The following ZNF217 variants were observed in gnomAD, a reference collection of about 807,000 sequenced individuals.
ZNF217 encodes the protein zinc finger protein 217.
In ZNF217, 12 loss-of-function variants were observed where a neutral mutation model predicts 73.3. That is an observed-to-expected ratio of 0.16 (90% confidence interval 0.10 to 0.27). ZNF217 has a LOEUF of 0.27. Among genes scored for constraint, ZNF217 ranks in the 10% least tolerant of loss-of-function variants. The pLI, the probability that ZNF217 is intolerant of heterozygous loss-of-function variation, is 1.00. For missense variants in ZNF217, 1,195 were observed against 1,327.8 expected (o/e 0.90, Z 1.55); for synonymous variants, 588 against 516.4 (o/e 1.14, Z -1.88).
intron 1 of ZNF217, among the ~76,000 whole-genome samples, chr20:53,592,555 G>A (rs1311679267): frequency 6.8e-6 from 1 of 147,604 alleles, no homozygotes; most frequent in African/African-American, 2.5e-5. Context: ...GTCTTCGGTG[G>A]CCCTACCCAG....
intron 1 of ZNF217, 102 bp downstream of exon 1, chr20:53,593,654 G>C (rs961366426): frequency 6.6e-6 from 1 of 151,420 alleles, no homozygotes; most frequent in Non-Finnish European, 1.5e-5. Context: ...CCTGGGGGGG[G>C]ACAAGACAAC....
intron 1 of ZNF217, among the ~76,000 whole-genome samples, chr20:53,590,775 T>C (rs1988851559): frequency 6.6e-6 from 1 of 152,212 alleles, no homozygotes; most frequent in South Asian, 2.1e-4. Context: ...GTGATTAGCA[T>C]GTATCTGCAA....
rs563819509 is a variant in ZNF217, at chr20:53,582,035, G to C, written c.792C>G (p.Asp264Glu). 6.2e-7 allele frequency: 1 copy of C among 1,614,220 alleles called. No homozygotes were observed. Among genetic ancestry groups the C allele is most frequent in the Admixed American group, 1.7e-5 (1 of 60,026 alleles). The change falls in exon 2 of 6, where the codon GAC (aspartate) becomes GAG (glutamate). Residue 264 changes from aspartate to glutamate, a missense_variant. Physicochemically the swap from Asp to Glu is conservative, Grantham distance 45 (BLOSUM62 2). Coordinates refer to ENST00000371471, the MANE Select transcript of ZNF217 (RefSeq NM_006526.3). The surrounding 1 kb of genome is among the most constrained non-coding windows in gnomAD (Gnocchi z 4.8). ...PQGGMPSSRE[D>E]FLQLFNLRPK... ...GTCTCAAGTTGAACAACTGCAGGAA[G>C]TCCTCCCTCGAGGACGGCATTCCTC... is the stretch of plus-strand genomic sequence containing the variant.
chr20:53,567,431 A>G lies in ZNF217; in HGVS notation c.*1857T>C, dbSNP rs538278367. 1 of 152,754 alleles carries G rather than the reference A, an allele frequency of 6.5e-6. No individual in the cohort carries two copies. Among genetic ancestry groups the G allele is most frequent in the African/African-American group, 2.4e-5 (1 of 41,570 alleles). The allele number at this position is 152,754 out of a possible 1,614,324, so 9.5% of individuals were successfully genotyped here. Reference sequence around the variant, plus strand: ...ATCTGAAAGCCCAAAAAATTCCAGCATAATACAAATCGACTTGTTTTCAAA... The same window carrying G: ...ATCTGAAAGCCCAAAAAATTCCAGCGTAATACAAATCGACTTGTTTTCAAA... On this transcript the variant is annotated 3_prime_UTR_variant, in exon 6 of 6. Transcript: ENST00000371471.
chr20:53,579,240 C>A (rs1426622805), intron 2 of ZNF217, among the ~76,000 whole-genome samples: 1 of 152,168 alleles, frequency 6.6e-6, no homozygotes, highest in Non-Finnish European at 1.5e-5. Flanking sequence ...AAAAGACAAT[C>A]AGAGGTGCTG....
intron 1 of ZNF217, among the ~76,000 whole-genome samples, chr20:53,586,459 CA>C (rs149897719): frequency 0.1 from 15,206 of 147,528 alleles, 1,014 homozygotes; most frequent in Non-Finnish European, 0.15. Context: ...TCAGCACAAG[CA>C]AAAAAAAAAC....
rs745786324 is a variant in ZNF217 at position 53,576,984 on chromosome 20, G to T, written c.1780C>A (p.Pro594Thr). ...AAATCCTGAGTATCTTTGTGTGCTG[G>T]TGAGAGGACAGCGCTGCCCAGAACA... is the stretch of plus-strand genomic sequence containing the variant. ...QNVLGSAVLS[P>T]AHKDTQDFHK... Residue 594 changes from proline (P) to threonine (T), a missense_variant, in exon 4 of 6, where the codon CCA becomes ACA. Coordinates refer to ENST00000371471, the MANE Select transcript of ZNF217 (RefSeq NM_006526.3). The T allele has an allele frequency of 5.5e-5, 88 of 1,614,062 alleles. 1 individual carries two copies. Among genetic ancestry groups the T allele is most frequent in the Admixed American group, 1.5e-4 (9 of 59,988 alleles).
chr20:53,595,261 C>CTAATGCAAATGTGAAATGGAT (rs1259479236), upstream of ZNF217, among the ~76,000 whole-genome samples: 5 of 152,146 alleles, frequency 3.3e-5, 1 homozygote, highest in African/African-American at 1.2e-4. Flanking sequence ...AAAATGCAAA[C>CTAATGCAAATGTGAAATGGAT]TAATGCAAAT....
intron 4 of ZNF217, among the ~76,000 whole-genome samples, chr20:53,573,534 C>T (rs75265838): frequency 6.6e-6 from 1 of 152,216 alleles, no homozygotes; most frequent in Non-Finnish European, 1.5e-5. Flanking sequence ...GACTTACTCA[C>T]TGCAATCTGC....
chr20:53,569,364 C>G (rs6091707), intron 5 of ZNF217, 100 bp from the exon 6 acceptor site: 1 of 837,206 alleles, frequency 1.2e-6, no homozygotes, highest in African/African-American at 1.9e-5. Context: ...CCAAACTGAC[C>G]TAGAAATGCA....
At position 53,576,999 on chromosome 20, in the gene ZNF217, T is replaced by C. The variant is rs551023466; in HGVS notation, c.1765A>G (p.Ser589Gly). The C allele has an allele frequency of 6.2e-7, 1 of 1,614,248 alleles. No individual in the cohort carries two copies. Among genetic ancestry groups the C allele is most frequent in the Admixed American group, 1.7e-5 (1 of 60,028 alleles). Residue 589 changes from serine to glycine, a missense_variant, in exon 4 of 6, where the codon AGC becomes GGC. Ser to Gly is a moderately conservative substitution (Grantham distance 56). Around this residue, in one of 9 missense-constraint regions of ZNF217, gnomAD observed 649 missense variants for 642.8 expected, o/e 1.01. Transcript: ENST00000371471. ...MPSVFQNVLG[S>G]AVLSPAHKDT... is the part of the protein sequence containing the mutation. ...TTGTGTGCTGGTGAGAGGACAGCGC[T>C]GCCCAGAACATTCTGAAAAACAGAA... is the stretch of plus-strand genomic sequence containing the variant.
chr20:53,575,514 C>T (rs1988218433), intron 4 of ZNF217: 2 of 483,316 alleles, frequency 4.1e-6, no homozygotes, highest in East Asian at 6.4e-5. Context: ...GAATAAAATA[C>T]ACAGGGTTAA....
upstream of ZNF217, among the ~76,000 whole-genome samples, chr20:53,597,094 A>AC (rs1268399510): frequency 1.3e-5 from 2 of 151,664 alleles, no homozygotes; most frequent in Non-Finnish European, 2.9e-5. Context: ...AAAAAAAAAA[A>AC]AAGAAAAAAA....
intron 2 of ZNF217, among the ~76,000 whole-genome samples, chr20:53,580,265 G>A (rs1035146083): frequency 9.2e-5 from 14 of 152,186 alleles, no homozygotes; most frequent in African/African-American, 3.1e-4. Context: ...CCAATCAATC[G>A]TGTGGGCAAA....
intron 5 of ZNF217, among the ~76,000 whole-genome samples, chr20:53,570,875 G>A (rs750909704): frequency 1.8e-4 from 28 of 152,304 alleles, no homozygotes; most frequent in African/African-American, 3.8e-4. Flanking sequence ...CAGGCAGAGC[G>A]GGGCTTTGAG....
chr20:53,582,431 T>C lies in ZNF217; in HGVS notation c.396A>G (p.Val132=), dbSNP rs1408603609. The C allele has an allele frequency of 2.5e-6, 4 of 1,614,106 alleles. No individual in the cohort carries two copies. The highest frequency in any genetic ancestry group is 3.4e-6 in the Non-Finnish European group (4 of 1,180,050). Residue 132 remains valine (V), a synonymous_variant, in exon 2 of 6, where the codon GTA becomes GTG. Coordinates refer to ENST00000371471, the MANE Select transcript of ZNF217 (RefSeq NM_006526.3). This position sits in a 1 kb window ranked among gnomAD's most constrained non-coding sequence, Gnocchi z 4.8. ...AAGCGACTCTAAATGTCTGCCCACA[T>C]ACCTCACAGCTAAATTCATTTTCCT... is the stretch of plus-strand genomic sequence containing the variant. ...NCKENEFSCE[V]CGQTFRVAFD...
intron 3 of ZNF217, 39 bp downstream of exon 3, chr20:53,578,295 T>C (rs949256748): frequency 1.4e-6 from 2 of 1,379,938 alleles, no homozygotes; most frequent in Non-Finnish European, 1.0e-6. Flanking sequence ...AACTACATAA[T>C]TTAACTAATG....
rs1305256233 is a variant in ZNF217 at position 53,576,792 on chromosome 20, T to C, written c.1972A>G (p.Asn658Asp). Residue 658 changes from asparagine to aspartate, a missense_variant, in exon 4 of 6, where the codon AAC becomes GAC. By Grantham distance (23) the Asn-to-Asp change is conservative (BLOSUM62 1). Transcript: ENST00000371471. ...TPPPDGSTTHNLEVSPKEKQT... is the reference protein window; with the variant it reads ...TPPPDGSTTHDLEVSPKEKQT... ...TTCTCTTTGGGGCTAACTTCAAGGT[T>C]ATGGGTGGTACTGCCATCCGGAGGA... 1 of 1,614,234 alleles carries C rather than the reference T, an allele frequency of 6.2e-7. No homozygotes were observed. Among genetic ancestry groups the C allele is most frequent in the East Asian group, 2.2e-5 (1 of 44,880 alleles).
chr20:53,595,525 G>C (rs1449368712), upstream of ZNF217, among the ~76,000 whole-genome samples: 2 of 152,188 alleles, frequency 1.3e-5, no homozygotes, highest in Non-Finnish European at 2.9e-5. Flanking sequence ...CAAGTGTCAT[G>C]TTTTGCTGTC....
Sources: gnomAD v4.1 joint callset for allele counts (sites outside exome capture counted in the v4.1 genomes callset) on GRCh38, gnomAD v4.1.1 for gene constraint, gnomAD v4.1.1 regional missense constraint, Gnocchi (gnomAD v3.1) non-coding constraint, MANE v1.5 for transcripts, NCBI Gene and HGNC (gene_info 2026-07-23, HGNC 2026-07-21) for gene names.